The following LYPLAL1 variants were observed in gnomAD, a reference collection of about 807,000 sequenced individuals.
LYPLAL1 encodes the protein lysophospholipase like 1.
In LYPLAL1, 23 loss-of-function variants were observed where a neutral mutation model predicts 19.7. That is an observed-to-expected ratio of 1.17 (90% CI 0.84 to 1.65). The LOEUF is 1.65. LYPLAL1 is among the 40% of genes most tolerant of loss of function. The probability of loss-of-function intolerance (pLI) is 0.00; values close to 1 mark genes in which losing one functional copy is unlikely to be tolerated. For synonymous variants in LYPLAL1, 119 were observed against 96.3 expected (o/e 1.24, Z -1.38); for missense variants, 355 against 279.4 (o/e 1.27, Z -1.93).
chr1:219,440,405 G>C, the LYPLAL1 span, among the ~76,000 whole-genome samples: 5 of 152,118 alleles, frequency 3.3e-5, no homozygotes, highest in Non-Finnish European at 5.9e-5. Context: ...CATCATGTCT[G>C]GGAAGGAAAT....
At chr1:219,245,655 C>A in the LYPLAL1 span, among the ~76,000 whole-genome samples, 1 of 152,152 alleles carries the variant, frequency 6.6e-6, no homozygotes, top group Non-Finnish European at 1.5e-5. Context: ...AGTGGAAGAT[C>A]TGTATTGTGT....
chr1:219,241,124 C>CTATATATA, the LYPLAL1 span, among the ~76,000 whole-genome samples: 3 of 93,362 alleles, frequency 3.2e-5, no homozygotes, highest in Admixed American at 1.3e-4. Context: ...CTCTCTCTCT[C>CTATATATA]TCTCTCTCTC....
chr1:219,348,263 C>T, the LYPLAL1 span, among the ~76,000 whole-genome samples: 2 of 152,212 alleles, frequency 1.3e-5, no homozygotes, highest in Non-Finnish European at 2.9e-5. Context: ...TGGTCATTTC[C>T]AGCAGCAGAG....
the LYPLAL1 span, among the ~76,000 whole-genome samples, chr1:219,264,915 C>A: frequency 6.6e-6 from 1 of 152,144 alleles, no homozygotes; most frequent in African/African-American, 2.4e-5. Context: ...GATTTCAGTG[C>A]CTTATACACA....
chr1:219,283,956 C>G, the LYPLAL1 span, among the ~76,000 whole-genome samples: 3 of 152,118 alleles, frequency 2.0e-5, no homozygotes, highest in Non-Finnish European at 2.9e-5. Flanking sequence ...GCTCTGTGTT[C>G]CCACCCAAAT....
intron 3 of LYPLAL1, among the ~76,000 whole-genome samples, chr1:219,208,140 T>C (rs982659176): frequency 7.2e-5 from 11 of 152,062 alleles, no homozygotes; most frequent in African/African-American, 2.7e-4. Flanking sequence ...AGTGAGTGTT[T>C]GGTAAGCTCT....
At chr1:219,406,906 T>C in the LYPLAL1 span, among the ~76,000 whole-genome samples, 8 of 152,188 alleles carry the variant, frequency 5.3e-5, no homozygotes. Flanking sequence ...TGGTATAAAA[T>C]GAGAAGGATC....
chr1:219,361,865 G>A, the LYPLAL1 span, among the ~76,000 whole-genome samples: 1 of 152,112 alleles, frequency 6.6e-6, no homozygotes, highest in Non-Finnish European at 1.5e-5. Flanking sequence ...GGCAAATGCT[G>A]TCTTTCTGTG....
At chr1:219,175,473 T>C (rs532989979) in intron 1 of LYPLAL1, among the ~76,000 whole-genome samples, 2 of 152,290 alleles carry the variant, frequency 1.3e-5, no homozygotes, top group South Asian at 2.1e-4. Flanking sequence ...TCATTATCTT[T>C]AGGAAGAACT....
chr1:219,220,886 T>C, the LYPLAL1 span, among the ~76,000 whole-genome samples: 1 of 152,264 alleles, frequency 6.6e-6, no homozygotes, highest in Non-Finnish European at 1.5e-5. Context: ...GGAGTAAACT[T>C]ACGAGACTGG....
chr1:219,340,551 G>A, the LYPLAL1 span, among the ~76,000 whole-genome samples: 5 of 151,974 alleles, frequency 3.3e-5, no homozygotes, highest in Non-Finnish European at 7.4e-5. Flanking sequence ...TTCATAATAG[G>A]TGGGTTAGGT....
chr1:219,362,949 T>C, the LYPLAL1 span, among the ~76,000 whole-genome samples: 1 of 150,974 alleles, frequency 6.6e-6, no homozygotes, highest in Middle Eastern at 3.4e-3. Flanking sequence ...GATGGATGAA[T>C]GCAAAAAAAA....
chr1:219,404,376 A>AATC, the LYPLAL1 span, among the ~76,000 whole-genome samples: 4 of 152,212 alleles, frequency 2.6e-5, no homozygotes, highest in Non-Finnish European at 5.9e-5. Flanking sequence ...GGTTGCTAAT[A>AATC]ATCTAGTCCT....
chr1:219,316,938 T>C, the LYPLAL1 span, among the ~76,000 whole-genome samples: 1 of 152,136 alleles, frequency 6.6e-6, no homozygotes, highest in African/African-American at 2.4e-5. Flanking sequence ...AAGTTTCAGT[T>C]TTAAAAGGTG....
At chr1:219,255,711 A>C in the LYPLAL1 span, among the ~76,000 whole-genome samples, 12 of 151,954 alleles carry the variant, frequency 7.9e-5, no homozygotes, top group Admixed American at 4.6e-4. Flanking sequence ...ATCACCATTA[A>C]ATATGTTGTA....
chr1:219,422,708 A>C, the LYPLAL1 span, among the ~76,000 whole-genome samples: 5 of 152,104 alleles, frequency 3.3e-5, no homozygotes, highest in Non-Finnish European at 1.5e-5. Flanking sequence ...ATAAATAACT[A>C]TTTTGCTTCT....
chr1:219,210,427 T>C (rs1658919916), intron 3 of LYPLAL1, 105 bp from the exon 4 acceptor site: 6 of 756,170 alleles, frequency 7.9e-6, no homozygotes, highest in Non-Finnish European at 1.2e-5. Context: ...TTTAGCATTC[T>C]CTTTAAAGGT....
At chr1:219,376,259 G>A in the LYPLAL1 span, among the ~76,000 whole-genome samples, 3 of 1,968 alleles carry the variant, frequency 1.5e-3, no homozygotes, top group Non-Finnish European at 0.022. Flanking sequence ...TCAACAAATG[G>A]TGTTTAAAAA....
At chr1:219,228,517 C>T in the LYPLAL1 span, among the ~76,000 whole-genome samples, 1 of 151,722 alleles carries the variant, frequency 6.6e-6, no homozygotes, top group East Asian at 1.9e-4. Flanking sequence ...TTTTTTTTCA[C>T]GTGACATAAT....
Sources: allele counts gnomAD v4.1 joint callset (sites outside exome capture counted in the v4.1 genomes callset), GRCh38; gene constraint gnomAD v4.1.1; transcripts MANE v1.5; gene names NCBI Gene and HGNC (gene_info 2026-07-23, HGNC 2026-07-21).